Variants in LINGO3 observed in about 807,000 individuals in gnomAD.
The protein encoded by LINGO3 is leucine-rich repeat and immunoglobulin-like domain-containing nogo receptor-interacting protein 3.
For synonymous variants in LINGO3, 427 were observed against 444.2 expected (o/e 0.96, Z 0.49); for missense variants, 750 against 867.7 (o/e 0.86, Z 1.70).
At chr19:2,294,407 C>G (rs990165217), upstream of LINGO3, among the ~76,000 whole-genome samples, 8 of 152,092 alleles carry the variant, frequency 5.3e-5, no homozygotes, top group African/African-American at 1.9e-4. This position sits in a 1 kb window ranked among gnomAD's most constrained non-coding sequence, Gnocchi z 4.3. Context: ...CTTCCGCCTC[C>G]GGAGCTGGGA....
the LINGO3 span, among the ~76,000 whole-genome samples, chr19:2,303,801 G>C: frequency 1.3e-5 from 2 of 152,230 alleles, no homozygotes; most frequent in African/African-American, 4.8e-5. Context: ...TGTGGCCAAT[G>C]ATGGAGCATG....
At chr19:2,289,702 T>G, downstream of LINGO3, 39 of 290,364 alleles carry the variant, frequency 1.3e-4, no homozygotes, top group South Asian at 5.6e-4. Flanking sequence ...CCACCCCGGG[T>G]TGGTAGACGG....
downstream of LINGO3, among the ~76,000 whole-genome samples, chr19:2,287,380 G>A (rs1157150057): frequency 6.6e-6 from 1 of 152,024 alleles, no homozygotes; most frequent in African/African-American, 2.4e-5. The surrounding 1 kb of genome is among the most constrained non-coding windows in gnomAD (Gnocchi z 4.5). Context: ...TATCAATTCT[G>A]GGGGGCCCTT....
chr19:2,290,124 CA>C lies in LINGO3; in HGVS notation c.1652del (p.Val551GlyfsTer39). 6.2e-7 allele frequency: 1 copy of C among 1,611,674 alleles called. No homozygotes were observed. Among genetic ancestry groups the C allele is most frequent in the Non-Finnish European group, 8.5e-7 (1 of 1,179,194 alleles). On this transcript the variant is annotated frameshift_variant, in exon 1 of 1. Coordinates refer to ENST00000585527, the Ensembl canonical transcript of LINGO3. LOFTEE classifies it low-confidence loss of function (END_TRUNC). The surrounding 1 kb of genome is among the most constrained non-coding windows in gnomAD (Gnocchi z 6.0). The stretch of plus-strand genomic sequence containing the variant: ...TGTGCTGCCCGCGGCCGCGGCTCCA[CA>C]CGAACAGCAGCACGAAGCAGAAGAG...
chr19:2,293,383 A>G (rs1387161473), upstream of LINGO3, among the ~76,000 whole-genome samples: 2 of 140,266 alleles, frequency 1.4e-5, no homozygotes, highest in African/African-American at 5.3e-5. Context: ...TTTTGGAGAC[A>G]GAGTCTCACT....
chr19:2,297,335 C>T, the LINGO3 span, among the ~76,000 whole-genome samples: 3 of 128,398 alleles, frequency 2.3e-5, no homozygotes, highest in Non-Finnish European at 3.2e-5. Context: ...GACAGAGTCT[C>T]GCTCTGTCGC....
chr19:2,293,166 G>A (rs1358100920), upstream of LINGO3, among the ~76,000 whole-genome samples: 3 of 151,862 alleles, frequency 2.0e-5, no homozygotes, highest in East Asian at 1.9e-4. Context: ...CCGGGTTCAC[G>A]CCATTCTCCT....
At chr19:2,294,553 G>A (rs11084929), upstream of LINGO3, among the ~76,000 whole-genome samples, 1 of 151,930 alleles carries the variant, frequency 6.6e-6, no homozygotes, top group South Asian at 2.1e-4. This position sits in a 1 kb window ranked among gnomAD's most constrained non-coding sequence, Gnocchi z 4.3. Context: ...GAACAGCCAC[G>A]GCAGAGGCCC....
Position 2,290,958 on chromosome 19 carries a change from G to C in LINGO3, c.819C>G (p.Thr273=), listed in dbSNP as rs1174042778. The C allele has an allele frequency of 2.5e-6, 4 of 1,611,924 alleles. No individual in the cohort carries two copies. The highest frequency in any genetic ancestry group is 3.4e-6 in the Non-Finnish European group (4 of 1,179,530). ...TGGGGTTGTGCGACAGATTGAGGCA[G>C]GTGAGGTGCGCCTGGTGCCGCAGCG... Residue 273 remains threonine (T), a synonymous_variant, in exon 1 of 1, where the codon ACC becomes ACG. Transcript: ENST00000585527. This position sits in a 1 kb window ranked among gnomAD's most constrained non-coding sequence, Gnocchi z 6.0.
At chr19:2,307,931 C>G in the LINGO3 span, among the ~76,000 whole-genome samples, 1 of 152,082 alleles carries the variant, frequency 6.6e-6, no homozygotes, top group African/African-American at 2.4e-5. Context: ...AGCGATGAGC[C>G]CGGGAGGGGT....
At chr19:2,288,356 AC>A (rs1390160476), downstream of LINGO3, among the ~76,000 whole-genome samples, 2 of 151,976 alleles carry the variant, frequency 1.3e-5, no homozygotes, top group African/African-American at 2.4e-5. This position sits in a 1 kb window ranked among gnomAD's most constrained non-coding sequence, Gnocchi z 6.5. Flanking sequence ...ATCCCCGGGA[AC>A]CCCCTGTGCT....
At chr19:2,297,456 C>T in the LINGO3 span, among the ~76,000 whole-genome samples, 112 of 151,998 alleles carry the variant, frequency 7.4e-4, no homozygotes, top group African/African-American at 2.7e-3. Flanking sequence ...AGGTGCCCGC[C>T]ACCACGCCCG....
the LINGO3 span, among the ~76,000 whole-genome samples, chr19:2,306,884 C>T: frequency 7.2e-5 from 11 of 152,168 alleles, no homozygotes; most frequent in East Asian, 5.8e-4. Context: ...GCTGCTGCTT[C>T]GGCTCAGAGA....
At chr19:2,296,401 G>A (rs888228279), upstream of LINGO3, among the ~76,000 whole-genome samples, 8 of 152,094 alleles carry the variant, frequency 5.3e-5, no homozygotes, top group Admixed American at 2.0e-4. Flanking sequence ...GATCACTGGA[G>A]CCCAGGAGGT....
chr19:2,301,440 C>A, the LINGO3 span, among the ~76,000 whole-genome samples: 3 of 152,118 alleles, frequency 2.0e-5, no homozygotes, highest in African/African-American at 7.2e-5. Context: ...TCCCTGGACA[C>A]GGCCCAGAGT....
At chr19:2,289,951 G>C in exon 1 of LINGO3, 3 of 1,437,274 alleles carry the variant, frequency 2.1e-6, no homozygotes, top group Non-Finnish European at 1.9e-6. Flanking sequence ...ACACGCGAGC[G>C]GCCGGCCCGC....
downstream of LINGO3, among the ~76,000 whole-genome samples, chr19:2,288,618 G>C (rs1206337178): frequency 6.6e-6 from 1 of 152,210 alleles, no homozygotes; most frequent in Non-Finnish European, 1.5e-5. This position sits in a 1 kb window ranked among gnomAD's most constrained non-coding sequence, Gnocchi z 6.5. Context: ...GCAGCGGAGG[G>C]AGGCGGAGGG....
chr19:2,303,541 G>T, the LINGO3 span, among the ~76,000 whole-genome samples: 1 of 152,256 alleles, frequency 6.6e-6, no homozygotes, highest in African/African-American at 2.4e-5. Context: ...AAAACCACAC[G>T]GGGCACTGAA....
At chr19:2,302,653 C>T in the LINGO3 span, among the ~76,000 whole-genome samples, 1 of 152,234 alleles carries the variant, frequency 6.6e-6, no homozygotes, top group Admixed American at 6.5e-5. Context: ...AGCTCTGCTG[C>T]CCGGTCTCGG....
Sources: gnomAD v4.1 joint callset for allele counts (sites outside exome capture counted in the v4.1 genomes callset) on GRCh38, gnomAD v4.1.1 for gene constraint, Gnocchi (gnomAD v3.1) non-coding constraint, MANE v1.5 for transcripts, NCBI Gene and HGNC (gene_info 2026-07-23, HGNC 2026-07-21) for gene names.